Variants in CACNA1C observed in about 807,000 individuals in gnomAD.
The protein encoded by CACNA1C is voltage-dependent L-type calcium channel subunit alpha-1C.
Under a neutral mutation model 229.0 loss-of-function variants are expected in CACNA1C, and 30 were observed. That is an observed-to-expected ratio of 0.13 (90% CI 0.10 to 0.18). The LOEUF is 0.18. CACNA1C is among the 10% of genes least tolerant of loss of function. CACNA1C has a pLI of 1.00. For synonymous variants in CACNA1C, 1,114 were observed against 1,132.5 expected, an observed-to-expected ratio of 0.98 and a Z score of 0.33; for missense variants, 1,658 against 2,845.0, an observed-to-expected ratio of 0.58 and a Z score of 9.49.
At chr12:1,978,636 T>C (rs1392410435) in intron 1 of CACNA1C, among the ~76,000 whole-genome samples, 1 of 152,174 alleles carries the variant, frequency 6.6e-6, no homozygotes. Context: ...AAACAAGATA[T>C]AAAATATTTT....
At position 2,646,281 on chromosome 12, in the gene CACNA1C, T is replaced by A. The variant is rs2094346782; in HGVS notation, c.3913-2194T>A. On this transcript the variant is annotated intron_variant, in intron 30 of 46. Coordinates refer to ENST00000399655, the MANE Select transcript of CACNA1C (RefSeq NM_000719.7). The surrounding 1 kb of genome is among the most constrained non-coding windows in gnomAD (Gnocchi z 4.6). ...CAGGTTTTTTTTGGTTTTGTTTTGTTTTGTTTTTGTTTTTTTGATGCCTAG... is the reference window on the plus strand; with the variant it reads ...CAGGTTTTTTTTGGTTTTGTTTTGTATTGTTTTTGTTTTTTTGATGCCTAG... 1.3e-5 allele frequency: 2 copies of A among 152,162 alleles called. No homozygotes were observed. The highest frequency in any genetic ancestry group is 6.5e-5 in the Admixed American group (1 of 15,282). 9.4% of individuals were successfully genotyped at this position (152,162 alleles called of 1,614,324 possible). A position where few individuals can be genotyped will look rare whatever the true frequency, so the allele number is the denominator to read the frequency against.
At chr12:2,234,238 C>A (rs1051255047) in intron 3 of CACNA1C, among the ~76,000 whole-genome samples, 6 of 152,192 alleles carry the variant, frequency 3.9e-5, no homozygotes, top group Non-Finnish European at 7.3e-5. Context: ...GGCTGGTTCT[C>A]TGTTTCTATT....
chr12:2,540,166 G>T (rs923771966), intron 9 of CACNA1C, among the ~76,000 whole-genome samples: 1 of 152,182 alleles, frequency 6.6e-6, no homozygotes, highest in Non-Finnish European at 1.5e-5. Flanking sequence ...GCCCAAGCAG[G>T]AAGCAAGGTC....
intron 3 of CACNA1C, among the ~76,000 whole-genome samples, chr12:2,391,275 A>G (rs946023480): frequency 2.6e-5 from 4 of 152,112 alleles, no homozygotes; most frequent in African/African-American, 9.7e-5. Flanking sequence ...GTTTGTATCT[A>G]TGGGTCTGGG....
At chr12:2,096,568 A>C (rs1318523376) in intron 1 of CACNA1C, among the ~76,000 whole-genome samples, 1 of 152,156 alleles carries the variant, frequency 6.6e-6, no homozygotes, top group African/African-American at 2.4e-5. Context: ...AATTGAGGTA[A>C]CTTTTTGTTA....
intron 1 of CACNA1C, among the ~76,000 whole-genome samples, chr12:2,010,675 C>T (rs557693924): frequency 2.6e-5 from 4 of 152,234 alleles, no homozygotes; most frequent in Non-Finnish European, 4.4e-5. Flanking sequence ...AATAGCTACA[C>T]CTTTTGATTT....
At chr12:2,340,646 A>T (rs2096834005) in intron 3 of CACNA1C, among the ~76,000 whole-genome samples, 1 of 152,230 alleles carries the variant, frequency 6.6e-6, no homozygotes, top group African/African-American at 2.4e-5. Flanking sequence ...GATTTGATCC[A>T]TAGCTGAAGT....
rs1395919888 is a variant in CACNA1C at position 2,410,165 on chromosome 12, A to G, written c.478-38811A>G. On this transcript the variant is annotated intron_variant, in intron 3 of 46. Coordinates refer to ENST00000399655, the MANE Select transcript of CACNA1C (RefSeq NM_000719.7). This position sits in a 1 kb window ranked among gnomAD's most constrained non-coding sequence, Gnocchi z 5.3. Reference sequence around the variant, plus strand: ...GCTCATGCATTCTGTTCCCACTCCAATCTGCCAGAGGGACAGGGTCCTTCC... The same window carrying G: ...GCTCATGCATTCTGTTCCCACTCCAGTCTGCCAGAGGGACAGGGTCCTTCC... Among the ~76,000 whole-genome samples, 1 of 152,204 alleles carries G rather than the reference A, an allele frequency of 6.6e-6. No homozygotes were observed. The highest frequency in any genetic ancestry group is 1.5e-5 in the Non-Finnish European group (1 of 68,036).
intron 1 of CACNA1C, among the ~76,000 whole-genome samples, chr12:1,985,959 T>C (rs532058623): frequency 0.012 from 1,834 of 152,272 alleles, 14 homozygotes; most frequent in Middle Eastern, 0.02. Context: ...TGCAGGTGCC[T>C]GCCACCACAC....
chr12:2,684,255 G>A lies in CACNA1C; in HGVS notation c.5574-1481G>A, dbSNP rs1456598658. The stretch of plus-strand genomic sequence containing the variant: ...AAGCATGGAAAGAGTCCCAACCAGC[G>A]GCACTTGACAAATCACTCAACTGCC... On this transcript the variant is annotated intron_variant, in intron 43 of 46. Transcript: ENST00000399655. Among the ~76,000 whole-genome samples, 5 of 152,214 alleles carry A rather than the reference G, an allele frequency of 3.3e-5. No individual in the cohort carries two copies. In the South Asian group the frequency reaches 6.2e-4, roughly 19 times the overall value.
At chr12:2,535,473 A>G (rs1046660870) in intron 9 of CACNA1C, among the ~76,000 whole-genome samples, 2 of 151,684 alleles carry the variant, frequency 1.3e-5, no homozygotes, top group African/African-American at 4.8e-5. Flanking sequence ...GCGAGGTGGG[A>G]TGATCGCTTG....
At chr12:2,002,603 G>T (rs1565889602) in intron 1 of CACNA1C, among the ~76,000 whole-genome samples, 1 of 152,126 alleles carries the variant, frequency 6.6e-6, no homozygotes. Context: ...AAAGCCTATA[G>T]GAAACAACTA....
chr12:2,153,098 C>T (rs1437848651), intron 3 of CACNA1C, among the ~76,000 whole-genome samples: 1 of 152,168 alleles, frequency 6.6e-6, no homozygotes, highest in Admixed American at 6.5e-5. Context: ...CATTTCGGAT[C>T]TAACTTTAAT....
At chr12:2,524,965 G>A (rs1326513746) in intron 9 of CACNA1C, among the ~76,000 whole-genome samples, 1 of 152,178 alleles carries the variant, frequency 6.6e-6, no homozygotes, top group African/African-American at 2.4e-5. Context: ...TAAGCTGAGG[G>A]GGCTACATTT....
chr12:2,143,989 A>G (rs964253404), intron 3 of CACNA1C, among the ~76,000 whole-genome samples: 2 of 151,090 alleles, frequency 1.3e-5, no homozygotes, highest in African/African-American at 4.8e-5. Flanking sequence ...CTGTGAATTT[A>G]TAATCACTGG....
intron 3 of CACNA1C, among the ~76,000 whole-genome samples, chr12:2,229,407 CTTCA>C (rs1019076091): frequency 2.6e-5 from 4 of 152,106 alleles, no homozygotes; most frequent in Non-Finnish European, 5.9e-5. Context: ...AAAGTCCGTC[CTTCA>C]TTCATCAAAT....
intron 3 of CACNA1C, among the ~76,000 whole-genome samples, chr12:2,232,415 G>C (rs796599163): frequency 1.3e-4 from 20 of 152,104 alleles, no homozygotes; most frequent in African/African-American, 4.8e-4. Context: ...GAATATCACA[G>C]AAGTGATGTT....
At chr12:2,606,462 G>A (rs111751267) in intron 24 of CACNA1C, 149 bp from the exon 25 acceptor site, 67 of 677,452 alleles carry the variant, frequency 9.9e-5, no homozygotes, top group South Asian at 5.7e-4. Context: ...CGTTCTGTGC[G>A]TGTGAGTCAG....
At position 1,971,904 on chromosome 12, in the gene CACNA1C, G is replaced by A. The variant is rs190094892; in HGVS notation, c.139+703G>A. 4.1e-4 allele frequency among the ~76,000 whole-genome samples: 63 copies of A among 152,174 alleles called. 1 individual carries two copies. The highest frequency in any genetic ancestry group is 7.5e-4 in the African/African-American group (31 of 41,506). ...AAATCATGAATGATAGCTTGTAATC[G>A]TCTAATGAGGACATGTGATAATGTT... is the stretch of plus-strand genomic sequence containing the variant. On this transcript the variant is annotated intron_variant, in intron 1 of 46. Coordinates refer to the CACNA1C transcript ENST00000682462. The surrounding 1 kb of genome is among the most constrained non-coding windows in gnomAD (Gnocchi z 4.2).
Sources: allele counts gnomAD v4.1 joint callset (sites outside exome capture counted in the v4.1 genomes callset), GRCh38; gene constraint gnomAD v4.1.1; non-coding constraint Gnocchi (gnomAD v3.1); transcripts MANE v1.5; gene names NCBI Gene and HGNC (gene_info 2026-07-23, HGNC 2026-07-21).